VPS35L: variants seen among roughly 807,000 people sequenced by gnomAD.
The protein encoded by VPS35L is VPS35 endosomal protein sorting factor like, also known as VPS35 endosomal protein-sorting factor-like.
VPS35L carries 83 observed loss-of-function variants against 133.0 expected under a neutral mutation model. The ratio of observed to expected loss-of-function variants is 0.62; its 90% CI spans 0.52 to 0.75. VPS35L has a LOEUF of 0.75. Ranked by LOEUF, VPS35L falls within the 30% of genes least tolerant of loss-of-function variation. The pLI is 0.00. For synonymous variants in VPS35L, 423 were observed against 449.9 expected (o/e 0.94, Z 0.76); for missense variants, 1,083 against 1,206.8 (o/e 0.90, Z 1.52).
chr16:19,638,684 T>TA (rs1973694862), intron 20 of VPS35L, among the ~76,000 whole-genome samples: 1 of 152,222 alleles, frequency 6.6e-6, no homozygotes, highest in Admixed American at 6.5e-5. Flanking sequence ...AGACAGCTGC[T>TA]AAGTGACTAA....
chr16:19,659,112 A>G (rs1278834684), intron 26 of VPS35L, among the ~76,000 whole-genome samples: 2 of 152,216 alleles, frequency 1.3e-5, no homozygotes, highest in Non-Finnish European at 2.9e-5. Flanking sequence ...CGGATTGAGC[A>G]TTAGATAAAC....
At chr16:19,670,070 A>T (rs1974825690) in intron 27 of VPS35L, among the ~76,000 whole-genome samples, 1 of 151,974 alleles carries the variant, frequency 6.6e-6, no homozygotes, top group South Asian at 2.1e-4. Context: ...GGCTCAAGTG[A>T]TTCTCCCGCC....
intron 22 of VPS35L, among the ~76,000 whole-genome samples, chr16:19,644,208 AC>A (rs1462528807): frequency 6.6e-6 from 1 of 152,186 alleles, no homozygotes. Flanking sequence ...TATTTGTGTT[AC>A]ATTTTCTATT....
chr16:19,628,764 A>T lies in VPS35L; in HGVS notation c.1500+11A>T. 1 of 1,153,908 alleles carries T rather than the reference A, an allele frequency of 8.7e-7. No homozygotes were observed. The highest frequency in any genetic ancestry group is 2.3e-5 in the South Asian group (1 of 43,772). 71.5% of individuals were successfully genotyped at this position (1,153,908 alleles called of 1,614,324 possible). A position where few individuals can be genotyped will look rare whatever the true frequency, so the allele number is the denominator to read the frequency against. ...CTGAAGAACCCACAGGTGAGTGGCC[A>T]TTTTATTTTTATTTTTATTTATTTA... On this transcript the variant is annotated intron_variant, in intron 17 of 30. Coordinates refer to ENST00000417362, the MANE Select transcript of VPS35L (RefSeq NM_020314.7).
At chr16:19,605,881 T>G (rs1972523129) in intron 9 of VPS35L, among the ~76,000 whole-genome samples, 1 of 132,486 alleles carries the variant, frequency 7.5e-6, no homozygotes, top group Admixed American at 7.0e-5. Context: ...GTAAGTTTCA[T>G]GAAGATAGGA....
chr16:19,608,169 G>A lies in VPS35L; in HGVS notation c.785-9G>A, dbSNP rs763493504. The A allele has an allele frequency of 9.4e-6, 15 of 1,603,880 alleles. No homozygotes were observed. The highest frequency in any genetic ancestry group is 4.4e-5 in the South Asian group (4 of 90,832). Reference sequence around the variant, plus strand: ...GGAGGGCTGATGGATCTTGTTTTTTGTATTACAGATCACTTTTCTCCAGAG... The same window carrying A: ...GGAGGGCTGATGGATCTTGTTTTTTATATTACAGATCACTTTTCTCCAGAG... On this transcript the variant is annotated splice_polypyrimidine_tract_variant and intron_variant, in intron 9 of 30. Coordinates refer to ENST00000417362, the MANE Select transcript of VPS35L (RefSeq NM_020314.7).
intron 7 of VPS35L, among the ~76,000 whole-genome samples, chr16:19,586,175 C>CTTTGGCT: frequency 6.6e-6 from 1 of 152,176 alleles, no homozygotes; most frequent in Non-Finnish European, 1.5e-5. Context: ...GCTAGGATTA[C>CTTTGGCT]AGGCATGAGC....
chr16:19,681,697 A>T (rs530536873), intron 27 of VPS35L, among the ~76,000 whole-genome samples: 2 of 152,328 alleles, frequency 1.3e-5, no homozygotes, highest in South Asian at 4.1e-4. Flanking sequence ...TGCCTCTCCC[A>T]AGAGAGCGTC....
chr16:19,601,625 A>G (rs1315397257), intron 8 of VPS35L, 39 bp from the exon 9 acceptor site: 2 of 1,599,020 alleles, frequency 1.3e-6, no homozygotes, highest in African/African-American at 2.7e-5. Flanking sequence ...TTGCTCCTGA[A>G]GAGTGTGATA....
intron 26 of VPS35L, among the ~76,000 whole-genome samples, chr16:19,662,604 A>G (rs1278612121): frequency 1.3e-5 from 2 of 152,176 alleles, no homozygotes; most frequent in Non-Finnish European, 2.9e-5. Flanking sequence ...TCATACACCC[A>G]CAGATGATCA....
intron 8 of VPS35L, among the ~76,000 whole-genome samples, chr16:19,598,156 G>A (rs1972275038): frequency 6.6e-6 from 1 of 152,146 alleles, no homozygotes; most frequent in South Asian, 2.1e-4. Context: ...TGTAGAATGG[G>A]GCTATCGTAG....
Position 19,677,909 on chromosome 16 carries a change from A to G in VPS35L, c.2362-4316A>G, listed in dbSNP as rs143607991. ...CAACCTCATAACCATGGACCAGCCAACATTTCACAAATACTCACTCAAAAC... is the reference window on the plus strand; with the variant it reads ...CAACCTCATAACCATGGACCAGCCAGCATTTCACAAATACTCACTCAAAAC... On this transcript the variant is annotated intron_variant, in intron 27 of 30. Coordinates refer to ENST00000417362, the MANE Select transcript of VPS35L (RefSeq NM_020314.7). Among the ~76,000 whole-genome samples, 20 of 152,294 alleles carry G rather than the reference A, an allele frequency of 1.3e-4. No individual in the cohort carries two copies. In the East Asian group the frequency reaches 3.9e-3, roughly 29 times the overall value.
intron 26 of VPS35L, among the ~76,000 whole-genome samples, chr16:19,655,861 A>T (rs948565800): frequency 3.3e-5 from 5 of 152,216 alleles, no homozygotes; most frequent in African/African-American, 1.2e-4. Context: ...TTGTTTGTCA[A>T]TGGCTCTTTC....
At chr16:19,661,241 T>C (rs1265991364) in intron 26 of VPS35L, among the ~76,000 whole-genome samples, 1 of 152,120 alleles carries the variant, frequency 6.6e-6, no homozygotes, top group Non-Finnish European at 1.5e-5. Context: ...TTGGAAGTGC[T>C]ACAAATTATT....
At chr16:19,581,909 A>G (rs1971722863) in intron 7 of VPS35L, 1 of 504,240 alleles carries the variant, frequency 2.0e-6, no homozygotes, top group Non-Finnish European at 3.6e-6. Flanking sequence ...CCTAGGTTAC[A>G]GAACTGATGA....
Position 19,555,764 on chromosome 16 carries a change from G to C in VPS35L, c.17+18G>C. ...TTTCCTTGGTAAGGAAGCAGCGGCG[G>C]GTGGGCTTTGGAGAGGGGCTGTCCT... On this transcript the variant is annotated intron_variant, in intron 1 of 30. Transcript: ENST00000417362. The C allele has an allele frequency of 6.4e-7, 1 of 1,566,616 alleles. No homozygotes were observed.
At chr16:19,674,839 T>G (rs950073461) in intron 27 of VPS35L, among the ~76,000 whole-genome samples, 2 of 152,210 alleles carry the variant, frequency 1.3e-5, no homozygotes, top group African/African-American at 4.8e-5. Flanking sequence ...TTATTTCACA[T>G]AGTTTAATGC....
At position 19,575,599 on chromosome 16, in the gene VPS35L, AC is replaced by A. The variant is rs909150933; in HGVS notation, c.433+479del. ...AAAATACAGCCGGGCACGGTGGCTC[AC>A]CTGTGTAATCCCAGCACTTTGGGAG... On this transcript the variant is annotated intron_variant, in intron 5 of 30. Coordinates refer to ENST00000417362, the MANE Select transcript of VPS35L (RefSeq NM_020314.7). 1.3e-4 allele frequency among the ~76,000 whole-genome samples: 19 copies of A among 150,086 alleles called. No individual in the cohort carries two copies. The East Asian group carries it at 3.5e-3, about 28-fold the overall frequency.
chr16:19,630,767 T>C (rs1026628014), intron 18 of VPS35L, among the ~76,000 whole-genome samples: 40 of 152,132 alleles, frequency 2.6e-4, no homozygotes, highest in African/African-American at 9.4e-4. Flanking sequence ...GGCAGAGTCC[T>C]TATGAAGGAG....
Sources: gnomAD v4.1 joint callset for allele counts (sites outside exome capture counted in the v4.1 genomes callset) on GRCh38, gnomAD v4.1.1 for gene constraint, MANE v1.5 for transcripts, NCBI Gene and HGNC (gene_info 2026-07-23, HGNC 2026-07-21) for gene names.